PCDHGA10: variants seen among roughly 807,000 people sequenced by gnomAD.
PCDHGA10 encodes the protein protocadherin gamma-A10.
A neutral mutation model predicts 59.5 loss-of-function variants in PCDHGA10; 42 were observed. The ratio of observed to expected loss-of-function variants is 0.71; its 90% CI spans 0.55 to 0.91. PCDHGA10 has a LOEUF of 0.91. PCDHGA10 is among the 40% of genes least tolerant of loss of function. PCDHGA10 has a pLI of 0.00. For synonymous variants in PCDHGA10, 511 were observed against 517.2 expected, an observed-to-expected ratio of 0.99 and a Z score of 0.16; for missense variants, 1,111 against 1,198.2, an observed-to-expected ratio of 0.93 and a Z score of 1.07.
At chr5:141,500,250 C>T (rs913074120) in intron 2 of PCDHGA10, among the ~76,000 whole-genome samples, 4 of 149,826 alleles carry the variant, frequency 2.7e-5, no homozygotes, top group African/African-American at 9.9e-5. Flanking sequence ...GCTCTGTCAC[C>T]CAGGCTGGAC....
chr5:141,494,037 T>C (rs2099751443), intron 1 of PCDHGA10, among the ~76,000 whole-genome samples: 1 of 152,146 alleles, frequency 6.6e-6, no homozygotes, highest in South Asian at 2.1e-4. Context: ...GAGACTTAGT[T>C]GGCCCTGCTT....
chr5:141,440,997 A>G (rs1191545127), intron 1 of PCDHGA10: 1 of 152,178 alleles, frequency 6.6e-6, no homozygotes, highest in East Asian at 1.9e-4. Context: ...ACCCATATCT[A>G]GTTTGGCCTT....
Position 141,492,023 on chromosome 5 carries a change from C to G in PCDHGA10, c.2437-2784C>G, listed in dbSNP as rs536734764. 1.8e-4 allele frequency: 102 copies of G among 564,804 alleles called. 3 individuals carry two copies. In the South Asian group the frequency reaches 2.8e-3, roughly 15 times the overall value. The allele number at this position is 564,804 out of a possible 1,614,324, so 35.0% of individuals were successfully genotyped here. A position where few individuals can be genotyped will look rare whatever the true frequency, so the allele number is the denominator to read the frequency against. On this transcript the variant is annotated intron_variant, in intron 1 of 3. Coordinates refer to ENST00000398610, the MANE Select transcript of PCDHGA10 (RefSeq NM_018913.3). Reference sequence around the variant, plus strand: ...CGATTTCCGCGGGTGTCGGGGGTCCCGGGAGGAGGCAGTCACAGATCCACC... The same window carrying G: ...CGATTTCCGCGGGTGTCGGGGGTCCGGGGAGGAGGCAGTCACAGATCCACC...
Position 141,415,420 on chromosome 5 carries a change from G to A in PCDHGA10, c.2245G>A (p.Gly749Arg). ...CGGCTCGCACTTTGTGGGCGTGGAC[G>A]GGGTTCGGGCTTTCCTGCAGACCTA... ...VSGSHFVGVD[G>R]VRAFLQTYSH... The change falls in exon 1 of 4, where the codon GGG becomes AGG. Residue 749 changes from glycine to arginine, a missense_variant. Physicochemically the swap from Gly to Arg is moderately radical, Grantham distance 125. Transcript: ENST00000398610. 2 of 1,614,226 alleles carry A rather than the reference G, an allele frequency of 1.2e-6. No individual in the cohort carries two copies. The highest frequency in any genetic ancestry group is 1.7e-6 in the Non-Finnish European group (2 of 1,180,048).
chr5:141,433,304 C>T, intron 1 of PCDHGA10: 1 of 932,004 alleles, frequency 1.1e-6, no homozygotes, highest in Non-Finnish European at 1.6e-6. Context: ...AGCAATTATC[C>T]CACCTTTGCC....
At chr5:141,456,119 C>G (rs902179639) in intron 1 of PCDHGA10, among the ~76,000 whole-genome samples, 3 of 151,826 alleles carry the variant, frequency 2.0e-5, no homozygotes, top group Non-Finnish European at 4.4e-5. Flanking sequence ...GGATGGTCTC[C>G]ATCTCCTGAC....
intron 1 of PCDHGA10, among the ~76,000 whole-genome samples, chr5:141,455,322 G>A (rs376682363): frequency 1.3e-5 from 2 of 152,134 alleles, no homozygotes; most frequent in East Asian, 3.9e-4. Context: ...TTTTGTGTGT[G>A]TGTTTGTGGT....
At chr5:141,453,464 C>A (rs186131587) in intron 1 of PCDHGA10, among the ~76,000 whole-genome samples, 16 of 152,090 alleles carry the variant, frequency 1.1e-4, no homozygotes, top group Non-Finnish European at 1.9e-4. Flanking sequence ...AAAACATTAA[C>A]ATAAAGTCAA....
intron 1 of PCDHGA10, among the ~76,000 whole-genome samples, chr5:141,444,006 G>T (rs1279816416): frequency 2.0e-5 from 3 of 152,012 alleles, no homozygotes; most frequent in Non-Finnish European, 4.4e-5. Flanking sequence ...TGCTACCTGG[G>T]TATTGGCTTC....
chr5:141,428,169 G>A (rs758370904), intron 1 of PCDHGA10: 1 of 1,540,076 alleles, frequency 6.5e-7, no homozygotes, highest in Non-Finnish European at 8.9e-7. Flanking sequence ...GTTGCTGTGC[G>A]TGACGGAGGA....
intron 1 of PCDHGA10, among the ~76,000 whole-genome samples, chr5:141,430,358 C>T (rs2097275535): frequency 6.7e-6 from 1 of 149,028 alleles, no homozygotes; most frequent in South Asian, 2.1e-4. Flanking sequence ...TTTAAAAGCT[C>T]ATTGGGGAAA....
chr5:141,482,995 G>A (rs1395482427), intron 1 of PCDHGA10, among the ~76,000 whole-genome samples: 1 of 152,048 alleles, frequency 6.6e-6, no homozygotes, highest in Non-Finnish European at 1.5e-5. Flanking sequence ...CGAGGCAGGA[G>A]AATTGCTTGA....
chr5:141,466,375 C>A (rs2099121518), intron 1 of PCDHGA10, among the ~76,000 whole-genome samples: 1 of 152,042 alleles, frequency 6.6e-6, no homozygotes, highest in Non-Finnish European at 1.5e-5. Context: ...GGTTTTGGCA[C>A]CCATCTAATG....
At chr5:141,421,844 A>C (rs1261967247) in intron 1 of PCDHGA10, 2 of 1,613,740 alleles carry the variant, frequency 1.2e-6, no homozygotes, top group East Asian at 4.5e-5. Context: ...CGAGAGAAAG[A>C]GGCTGCTCAC....
In PCDHGA10 at chr5:141,423,465, G is replaced by A. The variant is rs762995150; in HGVS notation, c.2436+7854G>A. On this transcript the variant is annotated intron_variant, in intron 1 of 3. Coordinates refer to ENST00000398610, the MANE Select transcript of PCDHGA10 (RefSeq NM_018913.3). ...CGTCACATTTTGTAGGCGTGGACGG[G>A]GTACAGGCTTTCCTGCAAACCTATT... The A allele has an allele frequency of 2.6e-5, 42 of 1,614,006 alleles. 1 individual carries two copies. The Middle Eastern group carries it at 1.5e-3, about 57-fold the overall frequency.
At chr5:141,492,505 C>A (rs1009723421) in intron 1 of PCDHGA10, among the ~76,000 whole-genome samples, 1 of 152,212 alleles carries the variant, frequency 6.6e-6, no homozygotes, top group Admixed American at 6.5e-5. Context: ...GACTCCGGAG[C>A]CTCCTCTCAC....
intron 2 of PCDHGA10, among the ~76,000 whole-genome samples, chr5:141,502,152 C>T (rs1306227782): frequency 2.0e-5 from 3 of 152,128 alleles, no homozygotes; most frequent in African/African-American, 4.8e-5. Flanking sequence ...AAGTAAGGAC[C>T]CCAGATATTC....
intron 2 of PCDHGA10, among the ~76,000 whole-genome samples, chr5:141,499,146 C>T (rs1415999012): frequency 1.3e-5 from 2 of 152,132 alleles, no homozygotes; most frequent in African/African-American, 4.8e-5. Flanking sequence ...GTGTCTGATC[C>T]CAATAGCTGT....
chr5:141,492,386 G>C (rs1343104703), intron 1 of PCDHGA10, among the ~76,000 whole-genome samples: 1 of 152,202 alleles, frequency 6.6e-6, no homozygotes, highest in African/African-American at 2.4e-5. Context: ...GCCTGTTCCG[G>C]TCCACTCGCA....
Sources: gnomAD v4.1 joint callset for allele counts (sites outside exome capture counted in the v4.1 genomes callset) on GRCh38, gnomAD v4.1.1 for gene constraint, MANE v1.5 for transcripts, NCBI Gene and HGNC (gene_info 2026-07-23, HGNC 2026-07-21) for gene names.